TNIK: variants seen among roughly 807,000 people sequenced by gnomAD.
The protein encoded by TNIK is TRAF2 and NCK interacting kinase, also known as TRAF2 and NCK-interacting protein kinase.
In TNIK, 49 loss-of-function variants were observed where a neutral mutation model predicts 191.3. The ratio of observed to expected loss-of-function variants is 0.26; its 90% CI spans 0.20 to 0.32. The LOEUF (loss-of-function observed/expected upper bound fraction) is 0.32, where lower values mean the gene tolerates loss of function less well. TNIK is among the 10% of genes least tolerant of loss of function. The probability of loss-of-function intolerance (pLI) is 1.00; values close to 1 mark genes in which losing one functional copy is unlikely to be tolerated. For missense variants in TNIK, 1,155 were observed against 1,702.3 expected (o/e 0.68, Z 5.66); for synonymous variants, 594 against 600.9 (o/e 0.99, Z 0.17).
At chr3:171,085,284 A>G in intron 24 of TNIK, 55 bp from the exon 25 acceptor site, 6 of 1,472,516 alleles carry the variant, frequency 4.1e-6, no homozygotes, top group Non-Finnish European at 5.5e-6. Context: ...AGGAATAACA[A>G]TGCTAACAAT....
intron 2 of TNIK, among the ~76,000 whole-genome samples, chr3:171,332,625 G>C (rs918333138): frequency 2.0e-5 from 3 of 152,156 alleles, no homozygotes; most frequent in African/African-American, 7.2e-5. Flanking sequence ...ATGTGTAACT[G>C]TCTCCAGGTA....
chr3:171,385,497 T>C (rs2108531124), intron 1 of TNIK, among the ~76,000 whole-genome samples: 1 of 152,180 alleles, frequency 6.6e-6, no homozygotes, highest in South Asian at 2.1e-4. Flanking sequence ...GAGTTTGGGA[T>C]CTCTGCTCTA....
At chr3:171,080,331 T>C (rs916697617) in intron 27 of TNIK, among the ~76,000 whole-genome samples, 4 of 152,204 alleles carry the variant, frequency 2.6e-5, no homozygotes, top group Non-Finnish European at 5.9e-5. Context: ...AAAATGTCCA[T>C]TGGGATGACT....
intron 7 of TNIK, among the ~76,000 whole-genome samples, chr3:171,177,658 A>G (rs926076808): frequency 7.9e-5 from 12 of 152,344 alleles, no homozygotes; most frequent in South Asian, 4.1e-4. Flanking sequence ...GGGTTGAACC[A>G]TAGGAAATTG....
At chr3:171,406,152 A>C (rs1327655351) in intron 1 of TNIK, among the ~76,000 whole-genome samples, 1 of 112,362 alleles carries the variant, frequency 8.9e-6, no homozygotes, top group Non-Finnish European at 1.9e-5. Flanking sequence ...ATCAAAGAAG[A>C]GCTAGAAGTG....
chr3:171,207,852 T>A (rs1259523172), intron 4 of TNIK, among the ~76,000 whole-genome samples: 1 of 152,198 alleles, frequency 6.6e-6, no homozygotes, highest in Non-Finnish European at 1.5e-5. Context: ...TCTAACAATA[T>A]AATTTTCATT....
chr3:171,109,789 A>AT (rs1725565002), intron 19 of TNIK, among the ~76,000 whole-genome samples: 3 of 152,338 alleles, frequency 2.0e-5, no homozygotes, highest in Admixed American at 6.5e-5. Flanking sequence ...CAGCACCTGG[A>AT]AATAATAATG....
intron 23 of TNIK, among the ~76,000 whole-genome samples, chr3:171,089,836 T>C (rs542154543): frequency 1.3e-5 from 2 of 152,310 alleles, no homozygotes; most frequent in South Asian, 2.1e-4. Context: ...AGTACTGTGC[T>C]AAACACTTTA....
At chr3:171,260,702 G>GT (rs1747494581) in intron 2 of TNIK, among the ~76,000 whole-genome samples, 1 of 152,140 alleles carries the variant, frequency 6.6e-6, no homozygotes, top group African/African-American at 2.4e-5. Flanking sequence ...TAAATTTTCA[G>GT]TTAGGCTCAT....
At chr3:171,295,005 A>AAGAGAGAGAGAGAGAG (rs141597723) in intron 2 of TNIK, among the ~76,000 whole-genome samples, 2 of 146,594 alleles carry the variant, frequency 1.4e-5, no homozygotes, top group African/African-American at 5.0e-5. Context: ...CTGGCCAGGG[A>AAGAGAGAGAGAGAGAG]AGAGAGAGAG....
chr3:171,385,601 G>A (rs2108531523), intron 1 of TNIK, among the ~76,000 whole-genome samples: 1 of 152,274 alleles, frequency 6.6e-6, no homozygotes, highest in Non-Finnish European at 1.5e-5. Flanking sequence ...GGAGCTGAAT[G>A]GAAAAGGTGG....
At chr3:171,069,739 T>G (rs12494349) in intron 29 of TNIK, among the ~76,000 whole-genome samples, 14,406 of 152,296 alleles carry the variant, frequency 0.095, 748 homozygotes, top group Middle Eastern at 0.16. Flanking sequence ...TTGCTATTTT[T>G]TAACCACGCT....
At chr3:171,379,772 A>C (rs9824149) in intron 1 of TNIK, among the ~76,000 whole-genome samples, 59,366 of 152,010 alleles carry the variant, frequency 0.39, 13,404 homozygotes, top group East Asian at 0.9. Flanking sequence ...GCACTTTGGG[A>C]GGCTGAGGCG....
chr3:171,191,494 T>A (rs758168409), intron 5 of TNIK, among the ~76,000 whole-genome samples: 2 of 152,170 alleles, frequency 1.3e-5, no homozygotes, highest in African/African-American at 2.4e-5. Flanking sequence ...CACTTCGGCC[T>A]CCCAAAGTGC....
Position 171,104,235 on chromosome 3 carries a change from C to T in TNIK, c.2407-2602G>A, listed in dbSNP as rs544481476. ...TTTAGCTGAAGTTTTGTTTCTTATCCGTCCAGTATTGAAAAATTTATAATA... is the reference window on the plus strand; with the variant it reads ...TTTAGCTGAAGTTTTGTTTCTTATCTGTCCAGTATTGAAAAATTTATAATA... On this transcript the variant is annotated intron_variant, in intron 21 of 32. Coordinates refer to ENST00000436636, the MANE Select transcript of TNIK (RefSeq NM_015028.4). 3.3e-5 allele frequency among the ~76,000 whole-genome samples: 5 copies of T among 152,018 alleles called. No individual in the cohort carries two copies. In the South Asian group the frequency reaches 6.2e-4, roughly 19 times the overall value.
intron 22 of TNIK, among the ~76,000 whole-genome samples, chr3:171,100,915 G>A (rs1723440129): frequency 6.6e-6 from 1 of 151,974 alleles, no homozygotes; most frequent in Non-Finnish European, 1.5e-5. Context: ...AGGGAATAAA[G>A]TAGAAAATCA....
At chr3:171,458,203 C>G (rs1339906291) in intron 1 of TNIK, among the ~76,000 whole-genome samples, 1 of 142,856 alleles carries the variant, frequency 7.0e-6, no homozygotes, top group Non-Finnish European at 1.5e-5. Context: ...CAGTCGGGGC[C>G]ATCCATCCAC....
At chr3:171,242,064 A>G (rs9815727) in intron 2 of TNIK, among the ~76,000 whole-genome samples, 1 of 151,388 alleles carries the variant, frequency 6.6e-6, no homozygotes, top group Non-Finnish European at 1.5e-5. Context: ...CACCTAATGT[A>G]AATGACAAGT....
chr3:171,410,263 T>C (rs1722208007), intron 1 of TNIK, among the ~76,000 whole-genome samples: 1 of 152,226 alleles, frequency 6.6e-6, no homozygotes, highest in Non-Finnish European at 1.5e-5. Flanking sequence ...TTATCTTTCA[T>C]GGTTCTAGTA....
Sources: gnomAD v4.1 joint callset for allele counts (sites outside exome capture counted in the v4.1 genomes callset) on GRCh38, gnomAD v4.1.1 for gene constraint, MANE v1.5 for transcripts, NCBI Gene and HGNC (gene_info 2026-07-23, HGNC 2026-07-21) for gene names.